The following FRMD1 variants were observed in gnomAD, a reference collection of about 807,000 sequenced individuals.
The protein encoded by FRMD1 is FERM domain containing 1, also known as FERM domain-containing protein 1.
FRMD1 carries 51 observed loss-of-function variants against 54.9 expected under a neutral mutation model. The ratio of observed to expected loss-of-function variants is 0.93; its 90% CI spans 0.74 to 1.17. The LOEUF (loss-of-function observed/expected upper bound fraction) is 1.17. FRMD1 is among the 50% of genes most tolerant of loss of function. The pLI, the probability that FRMD1 is intolerant of heterozygous loss-of-function variation, is 0.00. For missense variants in FRMD1, 729 were observed against 743.0 expected (o/e 0.98, Z 0.22); for synonymous variants, 324 against 306.4 (o/e 1.06, Z -0.60).
upstream of FRMD1, among the ~76,000 whole-genome samples, chr6:168,080,931 A>G (rs532475453): frequency 2.0e-5 from 3 of 152,178 alleles, no homozygotes; most frequent in African/African-American, 7.2e-5. Context: ...CCGTGGGCCA[A>G]TGAGCTCCAA....
rs561454985 is a variant in FRMD1, at chr6:168,057,621, C to A, written c.1408-282G>T. 6.3e-5 allele frequency: 29 copies of A among 458,254 alleles called. No individual in the cohort carries two copies. In the South Asian group the frequency reaches 6.4e-4, roughly 10 times the overall value. 28.4% of individuals were successfully genotyped at this position (458,254 alleles called of 1,614,324 possible). ...TAACTCAGTGGACCTGGACTCTTAG[C>A]GTTTGGTGTAATTTAGGATCAGGTC... On this transcript the variant is annotated intron_variant, in intron 10 of 10. Transcript: ENST00000283309.
intron 1 of FRMD1, among the ~76,000 whole-genome samples, chr6:168,078,316 C>T (rs540784890): frequency 2.1e-4 from 32 of 152,220 alleles, no homozygotes; most frequent in Admixed American, 1.1e-3. Flanking sequence ...GGCTTCCTGG[C>T]GCTCTTCCCT....
At chr6:168,085,253 C>A (rs1397833432), upstream of FRMD1, among the ~76,000 whole-genome samples, 1 of 152,238 alleles carries the variant, frequency 6.6e-6, no homozygotes, top group Non-Finnish European at 1.5e-5. Context: ...GCCATTCTCA[C>A]CTGATGCACA....
At position 168,070,383 on chromosome 6, in the gene FRMD1, A is replaced by G. The variant is rs202164688; in HGVS notation, c.305-2937T>C. Among the ~76,000 whole-genome samples the G allele has an allele frequency of 1.1e-3, 97 of 87,422 alleles. 1 individual carries two copies. Among genetic ancestry groups the G allele is most frequent in the African/African-American group, 1.6e-3 (34 of 21,078 alleles). The allele number at this position is 87,422 out of a possible 152,430, so 57.4% of individuals were successfully genotyped here. On this transcript the variant is annotated intron_variant, in intron 2 of 10. Transcript: ENST00000283309. Reference sequence around the variant, plus strand: ...AGGAAGGAAGGGAGAGAGGGAGGGAAGGAGGGAGGGAGGGAGGGAGGGAGA... The same window carrying G: ...AGGAAGGAAGGGAGAGAGGGAGGGAGGGAGGGAGGGAGGGAGGGAGGGAGA...
At chr6:168,064,053 G>A (rs1799900312) in intron 5 of FRMD1, among the ~76,000 whole-genome samples, 1 of 152,244 alleles carries the variant, frequency 6.6e-6, no homozygotes. Context: ...CCTGGCTCTT[G>A]GGAACCTGCC....
At chr6:168,091,160 G>T (rs149059122) in intron 1 of FRMD1, among the ~76,000 whole-genome samples, 12 of 152,326 alleles carry the variant, frequency 7.9e-5, no homozygotes, top group African/African-American at 2.9e-4. Context: ...CCTTCTTCCT[G>T]GTTCCACCCA....
intron 5 of FRMD1, among the ~76,000 whole-genome samples, chr6:168,064,090 C>T (rs931898417): frequency 8.5e-5 from 13 of 152,230 alleles, no homozygotes; most frequent in South Asian, 4.1e-4. Context: ...GGGCCATCAC[C>T]GGGACCGGGG....
intron 2 of FRMD1, among the ~76,000 whole-genome samples, chr6:168,072,135 C>A (rs544619769): frequency 6.6e-6 from 1 of 152,216 alleles, no homozygotes; most frequent in South Asian, 2.1e-4. Context: ...GCACATAAAC[C>A]GGGAGAATCC....
intron 4 of FRMD1, chr6:168,066,212 C>G (rs1020126542): frequency 1.0e-6 from 1 of 988,002 alleles, no homozygotes; most frequent in Non-Finnish European, 1.2e-6. Flanking sequence ...GGAAGTACCA[C>G]TTTAGGCCGG....
intron 1 of FRMD1, among the ~76,000 whole-genome samples, chr6:168,092,659 G>T (rs116466619): frequency 6.6e-6 from 1 of 152,194 alleles, no homozygotes; most frequent in Non-Finnish European, 1.5e-5. Context: ...ACACCAAATT[G>T]CCCAGTGCCT....
chr6:168,069,374 T>A (rs968512644), intron 2 of FRMD1, among the ~76,000 whole-genome samples: 1 of 152,236 alleles, frequency 6.6e-6, no homozygotes, highest in African/African-American at 2.4e-5. Flanking sequence ...ATATTTACTA[T>A]GTGGCCTTTT....
intron 1 of FRMD1, among the ~76,000 whole-genome samples, chr6:168,091,176 C>T (rs1180359271): frequency 3.3e-5 from 5 of 152,230 alleles, no homozygotes; most frequent in Non-Finnish European, 5.9e-5. Context: ...ACCCAACTTC[C>T]TGGTAACTAA....
rs1248351173 is a variant in FRMD1 at position 168,059,768 on chromosome 6, C to T, written c.1343-580G>A. 1.3e-5 allele frequency among the ~76,000 whole-genome samples: 2 copies of T among 152,084 alleles called. No homozygotes were observed. Among genetic ancestry groups the T allele is most frequent in the Admixed American group, 1.3e-4 (2 of 15,276 alleles). On this transcript the variant is annotated intron_variant, in intron 9 of 10. Coordinates refer to ENST00000283309, the MANE Select transcript of FRMD1 (RefSeq NM_024919.6). This position sits in a 1 kb window ranked among gnomAD's most constrained non-coding sequence, Gnocchi z 4.4. Reference sequence around the variant, plus strand: ...CACAGGGACTGGGCTGGACGCATCCCTCAGGACAGGGTGCTGCATCCTGGG... The same window carrying T: ...CACAGGGACTGGGCTGGACGCATCCTTCAGGACAGGGTGCTGCATCCTGGG...
chr6:168,080,622 C>T (rs6927897), upstream of FRMD1, among the ~76,000 whole-genome samples: 113,433 of 151,916 alleles, frequency 0.75, 42,422 homozygotes, highest in Middle Eastern at 0.84. Context: ...GATGCCTGGG[C>T]GCAGGACAGT....
intron 10 of FRMD1, among the ~76,000 whole-genome samples, chr6:168,058,497 A>G (rs1362418749): frequency 4.3e-5 from 5 of 117,448 alleles, no homozygotes; most frequent in African/African-American, 1.7e-4. Context: ...GTGTCTTTCC[A>G]GGGGGATTCT....
At position 168,054,362 on chromosome 6, in the gene FRMD1, G is replaced by C. The variant is rs1358853800; in HGVS notation, c.*2735C>G. 6.6e-6 allele frequency: 1 copy of C among 152,360 alleles called. No individual in the cohort carries two copies. The highest frequency in any genetic ancestry group is 1.5e-5 in the Non-Finnish European group (1 of 68,146). The allele number at this position is 152,360 out of a possible 1,614,324, so 9.4% of individuals were successfully genotyped here. ...GACCACCCCAGCCGGGCTCATGCGA[G>C]GCTGTGATGCTGGAGGTCCTTGGCC... On this transcript the variant is annotated 3_prime_UTR_variant, in exon 11 of 11. Coordinates refer to ENST00000283309, the MANE Select transcript of FRMD1 (RefSeq NM_024919.6).
intron 6 of FRMD1, 33 bp from the exon 7 acceptor site, chr6:168,062,992 G>T (rs370805586): frequency 3.7e-5 from 58 of 1,581,380 alleles, no homozygotes; most frequent in Middle Eastern, 3.3e-4. Context: ...CAAGTTGCAG[G>T]CCTGGAGGTG....
intron 1 of FRMD1, among the ~76,000 whole-genome samples, chr6:168,088,739 G>T: frequency 6.6e-6 from 1 of 152,038 alleles, no homozygotes; most frequent in Non-Finnish European, 1.5e-5. Context: ...GAACCCCCAG[G>T]CTACCCTCTT....
At chr6:168,092,359 T>C (rs1042757591) in intron 1 of FRMD1, among the ~76,000 whole-genome samples, 1 of 152,190 alleles carries the variant, frequency 6.6e-6, no homozygotes, top group African/African-American at 2.4e-5. Context: ...GTCCCCCAAA[T>C]TCACCACGTG....
Sources: gnomAD v4.1 joint callset for allele counts (sites outside exome capture counted in the v4.1 genomes callset) on GRCh38, gnomAD v4.1.1 for gene constraint, Gnocchi (gnomAD v3.1) non-coding constraint, MANE v1.5 for transcripts, NCBI Gene and HGNC (gene_info 2026-07-23, HGNC 2026-07-21) for gene names.